Variants in PPARGC1A observed in about 807,000 individuals in gnomAD.
PPARGC1A encodes PPARG coactivator 1 alpha, also known as peroxisome proliferator-activated receptor gamma coactivator 1-alpha.
Under a neutral mutation model 88.7 loss-of-function variants are expected in PPARGC1A, and 25 were observed. The ratio of observed to expected loss-of-function variants is 0.28; its 90% CI spans 0.21 to 0.39. PPARGC1A has a LOEUF of 0.39. Among genes scored for constraint, PPARGC1A ranks in the 10% least tolerant of loss-of-function variants. The pLI is 1.00. For missense variants in PPARGC1A, 880 were observed against 968.7 expected (o/e 0.91, Z 1.22); for synonymous variants, 363 against 355.6 (o/e 1.02, Z -0.24).
At chr4:24,071,365 A>G in the PPARGC1A span, among the ~76,000 whole-genome samples, 8 of 152,344 alleles carry the variant, frequency 5.3e-5, no homozygotes, top group Middle Eastern at 3.4e-3. Flanking sequence ...GAAACTGTCA[A>G]GTATGGAAAG....
the PPARGC1A span, among the ~76,000 whole-genome samples, chr4:24,093,539 AAGAG>A: frequency 6.7e-6 from 1 of 149,172 alleles, no homozygotes; most frequent in Admixed American, 6.6e-5. Context: ...TCTGAGGTGT[AAGAG>A]AGAAAGGCCA....
chr4:24,299,822 C>G, the PPARGC1A span, among the ~76,000 whole-genome samples: 1 of 152,058 alleles, frequency 6.6e-6, no homozygotes, highest in African/African-American at 2.4e-5. Flanking sequence ...AATAATGTTA[C>G]CAGAACCAAG....
At chr4:24,238,483 C>G in the PPARGC1A span, among the ~76,000 whole-genome samples, 1 of 152,138 alleles carries the variant, frequency 6.6e-6, no homozygotes, top group Admixed American at 6.5e-5. Context: ...ACTCAGCCTC[C>G]TCTGTGTCAG....
At chr4:24,272,450 A>G in the PPARGC1A span, among the ~76,000 whole-genome samples, 5 of 152,238 alleles carry the variant, frequency 3.3e-5, no homozygotes, top group Non-Finnish European at 7.3e-5. Flanking sequence ...CACCCATGTC[A>G]TACCCCCCTG....
chr4:24,184,529 C>T, the PPARGC1A span, among the ~76,000 whole-genome samples: 1 of 152,190 alleles, frequency 6.6e-6, no homozygotes, highest in Non-Finnish European at 1.5e-5. Flanking sequence ...AATGGTGCCT[C>T]CCCAGGCAGG....
chr4:23,832,634 G>C (rs1449963346), intron 2 of PPARGC1A, among the ~76,000 whole-genome samples: 1 of 143,998 alleles, frequency 6.9e-6, no homozygotes, highest in African/African-American at 2.6e-5. Flanking sequence ...TTTTGAGACA[G>C]GGTCTTGCTC....
At chr4:24,017,115 A>T in the PPARGC1A span, among the ~76,000 whole-genome samples, 1 of 152,210 alleles carries the variant, frequency 6.6e-6, no homozygotes, top group Non-Finnish European at 1.5e-5. Context: ...CCCTTTCCAC[A>T]TCAGCCCTTT....
chr4:24,159,772 A>G, the PPARGC1A span, among the ~76,000 whole-genome samples: 1 of 152,176 alleles, frequency 6.6e-6, no homozygotes, highest in Non-Finnish European at 1.5e-5. Context: ...CTCTGATTCC[A>G]TGTTTTATAT....
chr4:23,866,309 G>A (rs1711981712), intron 2 of PPARGC1A: 1 of 152,078 alleles, frequency 6.6e-6, no homozygotes, highest in Non-Finnish European at 1.5e-5. Flanking sequence ...AATAATGATA[G>A]CTTGAACTGT....
chr4:24,154,337 T>C, the PPARGC1A span, among the ~76,000 whole-genome samples: 2 of 152,362 alleles, frequency 1.3e-5, no homozygotes, highest in African/African-American at 4.8e-5. Context: ...GATCTGGACA[T>C]GACATCCTGC....
the PPARGC1A span, among the ~76,000 whole-genome samples, chr4:24,112,388 C>A: frequency 3.3e-5 from 5 of 152,018 alleles, no homozygotes; most frequent in African/African-American, 1.2e-4. Flanking sequence ...TTTTTTATAT[C>A]TCTTTATTTT....
chr4:23,854,598 T>C (rs1242436682), intron 2 of PPARGC1A, among the ~76,000 whole-genome samples: 2 of 152,148 alleles, frequency 1.3e-5, no homozygotes, highest in Non-Finnish European at 2.9e-5. Context: ...GAATAAGAAC[T>C]ATATAAATGA....
the PPARGC1A span, among the ~76,000 whole-genome samples, chr4:24,371,494 C>A: frequency 6.6e-6 from 1 of 152,094 alleles, no homozygotes; most frequent in Non-Finnish European, 1.5e-5. Context: ...TCATCCCTAA[C>A]CCCCAGCCAC....
chr4:24,326,915 G>A, the PPARGC1A span, among the ~76,000 whole-genome samples: 2,843 of 152,262 alleles, frequency 0.019, 34 homozygotes, highest in Middle Eastern at 0.054. Flanking sequence ...GAAGGCCACC[G>A]CAGTCATTTC....
intron 7 of PPARGC1A, among the ~76,000 whole-genome samples, chr4:23,823,233 C>G (rs1335053464): frequency 6.6e-6 from 1 of 151,912 alleles, no homozygotes; most frequent in African/African-American, 2.4e-5. Context: ...AGAATTCAGA[C>G]TACCATACCA....
chr4:24,081,973 G>A, the PPARGC1A span, among the ~76,000 whole-genome samples: 1 of 152,034 alleles, frequency 6.6e-6, no homozygotes. Flanking sequence ...TGAAAAAGGG[G>A]TATACATGGA....
chr4:23,846,079 TA>T (rs1195742191), intron 2 of PPARGC1A, among the ~76,000 whole-genome samples: 1 of 152,066 alleles, frequency 6.6e-6, no homozygotes, highest in African/African-American at 2.4e-5. Context: ...GATAACAGGA[TA>T]AAAAAGCACG....
chr4:24,463,643 G>C, the PPARGC1A span, among the ~76,000 whole-genome samples: 1 of 152,198 alleles, frequency 6.6e-6, no homozygotes, highest in Non-Finnish European at 1.5e-5. Flanking sequence ...ACTACAGGCT[G>C]GGCAGGATGA....
At chr4:24,200,660 A>AAAAAAAAC in the PPARGC1A span, among the ~76,000 whole-genome samples, 1 of 149,010 alleles carries the variant, frequency 6.7e-6, no homozygotes, top group Admixed American at 6.7e-5. Flanking sequence ...TTAAGCAAAA[A>AAAAAAAAC]AAAAAAAAAA....
Sources: gnomAD v4.1 joint callset for allele counts (sites outside exome capture counted in the v4.1 genomes callset) on GRCh38, gnomAD v4.1.1 for gene constraint, MANE v1.5 for transcripts, NCBI Gene and HGNC (gene_info 2026-07-23, HGNC 2026-07-21) for gene names.